Variants in SLC24A3 observed in about 807,000 individuals in gnomAD.
SLC24A3 encodes the protein solute carrier family 24 member 3, also known as sodium/potassium/calcium exchanger 3.
In SLC24A3, 28 loss-of-function variants were observed where a neutral mutation model predicts 75.8. The ratio of observed to expected loss-of-function variants is 0.37; its 90% CI spans 0.27 to 0.51. SLC24A3 has a LOEUF of 0.51. SLC24A3 is among the 20% of genes least tolerant of loss of function. The probability of loss-of-function intolerance (pLI) is 0.94; values close to 1 mark genes in which losing one functional copy is unlikely to be tolerated. For missense variants in SLC24A3, 663 were observed against 847.8 expected, an observed-to-expected ratio of 0.78 and a Z score of 2.71; for synonymous variants, 372 against 334.1, an observed-to-expected ratio of 1.11 and a Z score of -1.24.
chr20:19,617,879 G>A (rs1002226185), intron 6 of SLC24A3, among the ~76,000 whole-genome samples: 3 of 152,110 alleles, frequency 2.0e-5, no homozygotes, highest in African/African-American at 7.2e-5. Context: ...AGACTAAAGG[G>A]CCCTGGGACT....
At chr20:19,502,894 G>C (rs973755739) in intron 2 of SLC24A3, among the ~76,000 whole-genome samples, 2 of 129,228 alleles carry the variant, frequency 1.5e-5, no homozygotes, top group Non-Finnish European at 3.3e-5. Context: ...AAAAAAAATA[G>C]CTGGGCATGT....
chr20:19,684,954 A>T lies in SLC24A3; in HGVS notation c.1063-146A>T, dbSNP rs1396707212. ...GAAGTTGTCTGGAGTTGGTTATCAC[A>T]TTGAGAGGCCCCTTAAAACTTGACT... is the stretch of plus-strand genomic sequence containing the variant. On this transcript the variant is annotated intron_variant, in intron 11 of 16. Coordinates refer to ENST00000328041, the MANE Select transcript of SLC24A3 (RefSeq NM_020689.4). 6 of 951,710 alleles carry T rather than the reference A, an allele frequency of 6.3e-6. No individual in the cohort carries two copies. In the African/African-American group the frequency reaches 8.2e-5, roughly 13 times the overall value. The allele number at this position is 951,710 out of a possible 1,614,324, so 59.0% of individuals were successfully genotyped here.
intron 16 of SLC24A3, among the ~76,000 whole-genome samples, chr20:19,719,157 A>T (rs1281273472): frequency 6.6e-6 from 1 of 152,088 alleles, no homozygotes; most frequent in Non-Finnish European, 1.5e-5. Context: ...GCAATGCAAA[A>T]CCATTGGTGC....
intron 2 of SLC24A3, among the ~76,000 whole-genome samples, chr20:19,437,871 C>A (rs78354034): frequency 0.024 from 3,699 of 152,248 alleles, 133 homozygotes; most frequent in East Asian, 0.1. Context: ...GCTTCCCTCT[C>A]CCAGCATAAT....
At chr20:19,637,143 A>G (rs1478673311) in intron 6 of SLC24A3, among the ~76,000 whole-genome samples, 1 of 152,126 alleles carries the variant, frequency 6.6e-6, no homozygotes, top group African/African-American at 2.4e-5. Flanking sequence ...TACTAAAAAA[A>G]TACAAAAATT....
At chr20:19,399,703 G>A (rs1310819979) in intron 2 of SLC24A3, among the ~76,000 whole-genome samples, 1 of 152,156 alleles carries the variant, frequency 6.6e-6, no homozygotes, top group Non-Finnish European at 1.5e-5. Context: ...GTGTGCACCT[G>A]AAGAGAACAT....
At chr20:19,436,640 T>G (rs6081599) in intron 2 of SLC24A3, among the ~76,000 whole-genome samples, 1 of 152,050 alleles carries the variant, frequency 6.6e-6, no homozygotes, top group African/African-American at 2.4e-5. Flanking sequence ...TGTGTATTCA[T>G]GTATCTGCTT....
intron 3 of SLC24A3, among the ~76,000 whole-genome samples, chr20:19,568,504 G>C (rs1189521693): frequency 1.3e-5 from 2 of 152,188 alleles, no homozygotes; most frequent in African/African-American, 4.8e-5. Flanking sequence ...AAATAAGCCT[G>C]TCCCAAAAGA....
chr20:19,246,569 TTGAC>T (rs771523005), intron 1 of SLC24A3, among the ~76,000 whole-genome samples: 34 of 152,132 alleles, frequency 2.2e-4, no homozygotes, highest in Non-Finnish European at 4.4e-4. Flanking sequence ...TATAACAACA[TTGAC>T]TGAACAAGAA....
chr20:19,400,102 G>A (rs565155364), intron 2 of SLC24A3, among the ~76,000 whole-genome samples: 31 of 152,220 alleles, frequency 2.0e-4, no homozygotes, highest in African/African-American at 7.5e-4. Context: ...TCTATCATCT[G>A]TGTCCATTCT....
intron 6 of SLC24A3, among the ~76,000 whole-genome samples, chr20:19,622,406 G>T (rs1340342828): frequency 1.3e-5 from 2 of 152,176 alleles, no homozygotes; most frequent in African/African-American, 4.8e-5. Flanking sequence ...TGGTAAAAGT[G>T]TTTAGTGATA....
rs1555783970 is a variant in SLC24A3, at chr20:19,252,645, G to GGGT, written c.143-28312_143-28311insTGG. Among the ~76,000 whole-genome samples, 428 of 149,842 alleles carry GGGT rather than the reference G, an allele frequency of 2.9e-3. 14 individuals carry two copies. The highest frequency in any genetic ancestry group is 9.8e-3 in the African/African-American group (400 of 40,926). On this transcript the variant is annotated intron_variant, in intron 1 of 16. Transcript: ENST00000328041. ...CAAAAAGCCTGAAATTGGAATGGCG[G>GGGT]GGGGGGGTGCCTGTTCCAGAAACTC...
intron 2 of SLC24A3, among the ~76,000 whole-genome samples, chr20:19,455,789 C>G (rs992434022): frequency 6.6e-6 from 1 of 152,210 alleles, no homozygotes; most frequent in South Asian, 2.1e-4. Flanking sequence ...GATCACCCCC[C>G]TAATTTCACA....
chr20:19,316,363 T>G (rs759255048), intron 2 of SLC24A3, among the ~76,000 whole-genome samples: 2 of 152,098 alleles, frequency 1.3e-5, no homozygotes, highest in Non-Finnish European at 2.9e-5. Context: ...AGGGTTTACA[T>G]AAAAGGCCAA....
intron 6 of SLC24A3, among the ~76,000 whole-genome samples, chr20:19,601,040 A>G (rs1881003555): frequency 1.3e-5 from 2 of 152,142 alleles, no homozygotes; most frequent in African/African-American, 4.8e-5. Context: ...GAATACATGA[A>G]CTTCAGAAGT....
At chr20:19,430,035 G>T (rs1403935670) in intron 2 of SLC24A3, among the ~76,000 whole-genome samples, 3 of 152,162 alleles carry the variant, frequency 2.0e-5, no homozygotes, top group Non-Finnish European at 4.4e-5. Flanking sequence ...TGGGGAAGCC[G>T]CTGGGAACTG....
intron 2 of SLC24A3, among the ~76,000 whole-genome samples, chr20:19,462,152 A>G (rs1359422446): frequency 3.9e-5 from 6 of 152,162 alleles, no homozygotes; most frequent in Non-Finnish European, 8.8e-5. Flanking sequence ...TTAAAGCAGT[A>G]GTTCTCAAAC....
At chr20:19,600,913 T>A (rs757523650) in intron 6 of SLC24A3, among the ~76,000 whole-genome samples, 1 of 152,274 alleles carries the variant, frequency 6.6e-6, no homozygotes, top group East Asian at 1.9e-4. Flanking sequence ...CCCCCACTTC[T>A]GCCTCCCAAG....
chr20:19,589,034 G>A (rs761918970), intron 6 of SLC24A3, among the ~76,000 whole-genome samples: 5 of 152,196 alleles, frequency 3.3e-5, no homozygotes, highest in Admixed American at 6.5e-5. Context: ...ATACTGGCTC[G>A]TTTAAACAAA....
Sources: gnomAD v4.1 joint callset for allele counts (sites outside exome capture counted in the v4.1 genomes callset) on GRCh38, gnomAD v4.1.1 for gene constraint, MANE v1.5 for transcripts, NCBI Gene and HGNC (gene_info 2026-07-23, HGNC 2026-07-21) for gene names.